BMPR1B: variants seen among roughly 807,000 people sequenced by gnomAD.
BMPR1B encodes bone morphogenetic protein receptor type 1B.
In BMPR1B, 12 loss-of-function variants were observed where a neutral mutation model predicts 59.1. The observed-to-expected ratio is 0.20, with a 90% CI of 0.13 to 0.33. The LOEUF is 0.33. Among genes scored for constraint, BMPR1B ranks in the 10% least tolerant of loss-of-function variants. The probability of loss-of-function intolerance (pLI) is 1.00; values close to 1 mark genes in which losing one functional copy is unlikely to be tolerated. For synonymous variants in BMPR1B, 237 were observed against 207.3 expected (o/e 1.14, Z -1.23); for missense variants, 550 against 610.9 (o/e 0.90, Z 1.05).
intron 3 of BMPR1B, among the ~76,000 whole-genome samples, chr4:95,088,511 A>T (rs1279818632): frequency 1.3e-5 from 2 of 152,152 alleles, no homozygotes; most frequent in Non-Finnish European, 2.9e-5. Context: ...GGATATAATG[A>T]TCCTAGAGGG....
chr4:94,893,860 A>G (rs936369129), intron 2 of BMPR1B, among the ~76,000 whole-genome samples: 9 of 152,178 alleles, frequency 5.9e-5, no homozygotes, highest in South Asian at 2.1e-4. Context: ...ATAACAACAT[A>G]AAGTGGGCTG....
chr4:95,085,115 CTT>C (rs1202734489), intron 3 of BMPR1B, among the ~76,000 whole-genome samples: 3 of 152,282 alleles, frequency 2.0e-5, no homozygotes, highest in African/African-American at 7.2e-5. Flanking sequence ...CTCATTTTCT[CTT>C]TGTTGTAAAA....
chr4:94,867,120 C>T (rs745625994), intron 1 of BMPR1B, among the ~76,000 whole-genome samples: 2 of 152,108 alleles, frequency 1.3e-5, no homozygotes, highest in East Asian at 1.9e-4. Flanking sequence ...CTCTTACCTG[C>T]GTCTTAAACT....
At position 94,904,042 on chromosome 4, in the gene BMPR1B, C is replaced by G. The variant is rs983784803; in HGVS notation, c.-113+28142C>G. On this transcript the variant is annotated intron_variant, in intron 2 of 12. Transcript: ENST00000515059. The stretch of plus-strand genomic sequence containing the variant: ...TTTTATAAACCTACATTTTAATAGA[C>G]AGTAACATCTCCTTTATATCTTATG... Among the ~76,000 whole-genome samples the G allele has an allele frequency of 2.0e-5, 3 of 151,954 alleles. No homozygotes were observed. The East Asian group carries it at 5.8e-4, about 29-fold the overall frequency.
intron 3 of BMPR1B, among the ~76,000 whole-genome samples, chr4:95,048,981 T>C (rs1726238302): frequency 6.6e-6 from 1 of 152,178 alleles, no homozygotes; most frequent in African/African-American, 2.4e-5. Context: ...TTTTAAAATA[T>C]TGCTAAATGA....
intron 3 of BMPR1B, among the ~76,000 whole-genome samples, chr4:95,090,630 A>G (rs1489248363): frequency 6.6e-6 from 1 of 152,026 alleles, no homozygotes; most frequent in Non-Finnish European, 1.5e-5. Context: ...CATAGTGGCC[A>G]TTTCTTCTTC....
At chr4:94,837,678 T>C (rs550051731) in intron 1 of BMPR1B, among the ~76,000 whole-genome samples, 1 of 134,042 alleles carries the variant, frequency 7.5e-6, no homozygotes, top group Non-Finnish European at 1.6e-5. Context: ...TGGGGTTTTC[T>C]AGATATACAA....
intron 3 of BMPR1B, among the ~76,000 whole-genome samples, chr4:95,016,386 G>T (rs2149130816): frequency 6.6e-6 from 1 of 152,170 alleles, no homozygotes; most frequent in Non-Finnish European, 1.5e-5. Flanking sequence ...ATGGATGAGA[G>T]ATTCATTCAA....
intron 2 of BMPR1B, among the ~76,000 whole-genome samples, chr4:94,928,009 A>G (rs1728954554): frequency 6.6e-6 from 1 of 152,108 alleles, no homozygotes; most frequent in Non-Finnish European, 1.5e-5. Context: ...TTGTTAACAG[A>G]AACTGGGCAG....
At chr4:94,843,398 A>T (rs1286456575) in intron 1 of BMPR1B, among the ~76,000 whole-genome samples, 2 of 152,172 alleles carry the variant, frequency 1.3e-5, no homozygotes, top group Non-Finnish European at 2.9e-5. Flanking sequence ...AGAAGCTCAC[A>T]TCTGTGCTGT....
At chr4:94,835,211 A>G (rs1724758585) in intron 1 of BMPR1B, among the ~76,000 whole-genome samples, 1 of 147,668 alleles carries the variant, frequency 6.8e-6, no homozygotes, top group Non-Finnish European at 1.5e-5. Flanking sequence ...ATTTTTAATT[A>G]AAGAACATTT....
rs554888180 is a variant in BMPR1B, at chr4:94,825,015, G to A, written c.-182-50816G>A. 2.6e-5 allele frequency among the ~76,000 whole-genome samples: 4 copies of A among 152,268 alleles called. No individual in the cohort carries two copies. The East Asian group carries it at 5.8e-4, about 22-fold the overall frequency. On this transcript the variant is annotated intron_variant, in intron 1 of 12. Transcript: ENST00000515059. ...ACAAGCTTACTTGAAAAAGAAGGAC[G>A]TTTAGAATCTCTTTTAAGTGGATGT...
chr4:95,122,487 TTA>T (rs1426486082), intron 6 of BMPR1B, among the ~76,000 whole-genome samples: 1 of 152,174 alleles, frequency 6.6e-6, no homozygotes. Flanking sequence ...AATATTATAA[TTA>T]TGTGTCAATA....
intron 2 of BMPR1B, among the ~76,000 whole-genome samples, chr4:94,952,833 T>C (rs188656790): frequency 1.6e-3 from 241 of 152,320 alleles, no homozygotes; most frequent in Non-Finnish European, 2.2e-3. Flanking sequence ...TCTGTCTCAC[T>C]GATCTATCAA....
At chr4:94,805,180 G>A (rs1390616398) in intron 1 of BMPR1B, among the ~76,000 whole-genome samples, 2 of 152,166 alleles carry the variant, frequency 1.3e-5, no homozygotes, top group South Asian at 2.1e-4. Context: ...ATATTTAGAA[G>A]CAGAGGAGGC....
chr4:95,081,289 G>A (rs890122886), intron 3 of BMPR1B, among the ~76,000 whole-genome samples: 4 of 152,056 alleles, frequency 2.6e-5, no homozygotes, highest in Admixed American at 6.6e-5. Context: ...TATTAGCAGC[G>A]TGAGAACGGA....
chr4:95,040,046 A>G (rs1725540666), intron 3 of BMPR1B, among the ~76,000 whole-genome samples: 1 of 152,224 alleles, frequency 6.6e-6, no homozygotes, highest in Non-Finnish European at 1.5e-5. Context: ...AGCTAAGTCT[A>G]CTACTAAATG....
chr4:95,022,140 CTG>C (rs1724034760), intron 3 of BMPR1B, among the ~76,000 whole-genome samples: 2 of 152,108 alleles, frequency 1.3e-5, no homozygotes, highest in Non-Finnish European at 1.5e-5. Flanking sequence ...AGCTTTGTGA[CTG>C]TGGTATATTT....
At chr4:94,761,443 GTGTGTGTGTGTGTGTGTGT>G (rs1342007492) in intron 1 of BMPR1B, among the ~76,000 whole-genome samples, 1 of 150,064 alleles carries the variant, frequency 6.7e-6, no homozygotes, top group Non-Finnish European at 1.5e-5. Flanking sequence ...GTGTGTGTGT[GTGTGTGTGTGTGTGTGTGT>G]TGAAGGGGGT....
Sources: gnomAD v4.1 joint callset for allele counts (sites outside exome capture counted in the v4.1 genomes callset) on GRCh38, gnomAD v4.1.1 for gene constraint, MANE v1.5 for transcripts, NCBI Gene and HGNC (gene_info 2026-07-23, HGNC 2026-07-21) for gene names.